UGT1A10: variants seen among roughly 807,000 people sequenced by gnomAD.
The protein encoded by UGT1A10 is UDP-glucuronosyltransferase 1A10.
A neutral mutation model predicts 45.8 loss-of-function variants in UGT1A10; 49 were observed. The ratio of observed to expected loss-of-function variants is 1.07; its 90% CI spans 0.85 to 1.36. UGT1A10 has a LOEUF of 1.36. Among genes scored for constraint, UGT1A10 ranks in the 40% most tolerant of loss-of-function variants. The probability of loss-of-function intolerance (pLI) is 0.00; values close to 1 mark genes in which losing one functional copy is unlikely to be tolerated. For synonymous variants in UGT1A10, 284 were observed against 249.7 expected, an observed-to-expected ratio of 1.14 and a Z score of -1.29; for missense variants, 745 against 668.6, an observed-to-expected ratio of 1.11 and a Z score of -1.26.
intron 1 of UGT1A10, chr2:233,682,168 C>T (rs1575428298): frequency 6.2e-7 from 1 of 1,614,202 alleles, no homozygotes; most frequent in Non-Finnish European, 8.5e-7. Context: ...TGAAGACTTA[C>T]TCAACCTCAT....
chr2:233,723,050 G>T (rs1208688068), intron 1 of UGT1A10, among the ~76,000 whole-genome samples: 1 of 140,678 alleles, frequency 7.1e-6, no homozygotes, highest in African/African-American at 2.7e-5. Flanking sequence ...AGGCACACTC[G>T]GTGTAACTTT....
chr2:233,643,697 G>C (rs1391133083), intron 1 of UGT1A10, among the ~76,000 whole-genome samples: 1 of 152,122 alleles, frequency 6.6e-6, no homozygotes, highest in African/African-American at 2.4e-5. Context: ...GCTCACCAAG[G>C]CCCTTGACGT....
rs1699597581 is a variant in UGT1A10 at position 233,768,288 on chromosome 2, G to A, written c.1144G>A (p.Gly382Ser). 4 of 1,614,072 alleles carry A rather than the reference G, an allele frequency of 2.5e-6. No individual in the cohort carries two copies. Among genetic ancestry groups the A allele is most frequent in the Non-Finnish European group, 3.4e-6 (4 of 1,180,052 alleles). ...TGGTGTTTATGAAAGCATATGCAATGGCGTTCCCATGGTGATGATGCCCTT... is the reference window on the plus strand; with the variant it reads ...TGGTGTTTATGAAAGCATATGCAATAGCGTTCCCATGGTGATGATGCCCTT... ...SHGVYESICN[G>S]VPMVMMPLFG... The change falls in exon 4 of 5, where the codon GGC (glycine) becomes AGC (serine). Residue 382 changes from glycine to serine, a missense_variant. Physicochemically the swap from Gly to Ser is moderately conservative, Grantham distance 56. Transcript: ENST00000344644.
At chr2:233,674,155 G>A (rs2125505218) in intron 1 of UGT1A10, among the ~76,000 whole-genome samples, 1 of 152,224 alleles carries the variant, frequency 6.6e-6, no homozygotes, top group Non-Finnish European at 1.5e-5. Context: ...AGTAGACTTG[G>A]TAACACAGTC....
chr2:233,769,450 T>C lies in UGT1A10; in HGVS notation c.1295+1011T>C, dbSNP rs1280911013. 7 of 1,587,838 alleles carry C rather than the reference T, an allele frequency of 4.4e-6. No individual in the cohort carries two copies. The East Asian group carries it at 1.6e-4, about 36-fold the overall frequency. On this transcript the variant is annotated intron_variant, in intron 4 of 4. Transcript: ENST00000344644. The surrounding 1 kb of genome is among the most constrained non-coding windows in gnomAD (Gnocchi z 4.4). ...CTGTGCTCATGTGTGGGTGCACACG[T>C]GTGCATTCATATGCGTGTGTGTGTG...
At chr2:233,760,757 G>A (rs762472856) in intron 1 of UGT1A10, 14 of 1,613,946 alleles carry the variant, frequency 8.7e-6, no homozygotes, top group South Asian at 1.1e-5. Flanking sequence ...CTTCCTTGCA[G>A]CCCCATCGTG....
At chr2:233,724,223 C>T (rs2077191141) in intron 1 of UGT1A10, among the ~76,000 whole-genome samples, 1 of 128,414 alleles carries the variant, frequency 7.8e-6, no homozygotes, top group Admixed American at 7.3e-5. Flanking sequence ...CCTCACTTCC[C>T]AGTAGGGGCG....
intron 1 of UGT1A10, chr2:233,729,897 C>G: frequency 6.2e-7 from 1 of 1,613,908 alleles, no homozygotes; most frequent in Non-Finnish European, 8.5e-7. Context: ...TGTGGCTGTT[C>G]CGAGGGGACT....
intron 1 of UGT1A10, among the ~76,000 whole-genome samples, chr2:233,748,636 A>G (rs1201080065): frequency 6.6e-6 from 1 of 151,796 alleles, no homozygotes; most frequent in African/African-American, 2.4e-5. Flanking sequence ...CTGTGATTAT[A>G]GAATTACACA....
intron 1 of UGT1A10, chr2:233,729,725 C>G (rs780989099): frequency 1.1e-5 from 18 of 1,613,850 alleles, no homozygotes; most frequent in Non-Finnish European, 1.4e-5. Context: ...TTACTAACAA[C>G]CAATTCAGAC....
intron 1 of UGT1A10, chr2:233,672,024 A>G: frequency 6.2e-7 from 1 of 1,614,170 alleles, no homozygotes; most frequent in Non-Finnish European, 8.5e-7. Context: ...AGCTACTGGT[A>G]GTGCCCATGG....
At chr2:233,682,969 C>T (rs943509920) in intron 1 of UGT1A10, among the ~76,000 whole-genome samples, 1 of 152,054 alleles carries the variant, frequency 6.6e-6, no homozygotes, top group Admixed American at 6.6e-5. Context: ...TAAAGCAGCT[C>T]TTGTTGATAT....
chr2:233,698,282 GA>G (rs528248105), intron 1 of UGT1A10, among the ~76,000 whole-genome samples: 32 of 152,044 alleles, frequency 2.1e-4, no homozygotes, highest in Admixed American at 1.5e-3. Context: ...TCAACACTAT[GA>G]AAAAAAATGT....
intron 1 of UGT1A10, among the ~76,000 whole-genome samples, chr2:233,698,607 A>G (rs974774486): frequency 6.6e-6 from 1 of 152,244 alleles, no homozygotes; most frequent in Admixed American, 6.5e-5. Context: ...GGATTAATAA[A>G]CAGTGGAATT....
At chr2:233,756,874 G>C (rs1221596581) in intron 1 of UGT1A10, among the ~76,000 whole-genome samples, 1 of 152,098 alleles carries the variant, frequency 6.6e-6, no homozygotes, top group Non-Finnish European at 1.5e-5. Context: ...GGTATTAGGT[G>C]TAATGAGGAT....
At position 233,648,246 on chromosome 2, in the gene UGT1A10, G is replaced by T. The variant is rs182297279; in HGVS notation, c.855+10869G>T. 1.9e-4 allele frequency: 115 copies of T among 615,736 alleles called. No individual in the cohort carries two copies. In the African/African-American group the frequency reaches 1.9e-3, roughly 10 times the overall value. 38.1% of individuals were successfully genotyped at this position (615,736 alleles called of 1,614,324 possible). ...ACTGAAAATTAGTAGAATACTTAAA[G>T]GAGAGTTCTTTTGATGCGGTGTTTC... On this transcript the variant is annotated intron_variant, in intron 1 of 4. Transcript: ENST00000344644.
intron 1 of UGT1A10, among the ~76,000 whole-genome samples, chr2:233,701,807 A>G (rs2075653116): frequency 1.3e-5 from 2 of 152,224 alleles, no homozygotes; most frequent in Non-Finnish European, 2.9e-5. Flanking sequence ...GAGAACAAAG[A>G]CACAACATAC....
At chr2:233,724,529 G>C (rs1336753054) in intron 1 of UGT1A10, among the ~76,000 whole-genome samples, 1 of 116,504 alleles carries the variant, frequency 8.6e-6, no homozygotes, top group East Asian at 2.7e-4. Flanking sequence ...ATGGGGTCTC[G>C]CCGGGCAGAG....
intron 1 of UGT1A10, among the ~76,000 whole-genome samples, chr2:233,710,092 G>A (rs1054581335): frequency 6.6e-6 from 1 of 152,174 alleles, no homozygotes; most frequent in African/African-American, 2.4e-5. Flanking sequence ...ATTGTTGCAT[G>A]TATCAATATT....
Sources: gnomAD v4.1 joint callset for allele counts (sites outside exome capture counted in the v4.1 genomes callset) on GRCh38, gnomAD v4.1.1 for gene constraint, Gnocchi (gnomAD v3.1) non-coding constraint, MANE v1.5 for transcripts, NCBI Gene and HGNC (gene_info 2026-07-23, HGNC 2026-07-21) for gene names.